The following RALYL variants were observed in gnomAD, a reference collection of about 807,000 sequenced individuals.
The protein encoded by RALYL is RNA-binding Raly-like protein.
In RALYL, 29 loss-of-function variants were observed where a neutral mutation model predicts 35.1. The ratio of observed to expected loss-of-function variants is 0.83; its 90% confidence interval spans 0.61 to 1.13. The LOEUF (loss-of-function observed/expected upper bound fraction) is 1.13, where lower values mean the gene tolerates loss of function less well. Among genes scored for constraint, RALYL ranks in the 50% most tolerant of loss-of-function variants. The pLI, the probability that RALYL is intolerant of heterozygous loss-of-function variation, is 0.00. For synonymous variants in RALYL, 120 were observed against 127.6 expected, an observed-to-expected ratio of 0.94 and a Z score of 0.40; for missense variants, 359 against 360.4, an observed-to-expected ratio of 1.00 and a Z score of 0.03.
chr8:84,739,483 G>A (rs932743065), intron 2 of RALYL, among the ~76,000 whole-genome samples: 1 of 151,838 alleles, frequency 6.6e-6, no homozygotes, highest in Admixed American at 6.6e-5. Context: ...AAGGATAAAT[G>A]GTTCCACCTA....
chr8:84,446,692 G>A (rs1484201550), intron 1 of RALYL, among the ~76,000 whole-genome samples: 6 of 152,026 alleles, frequency 3.9e-5, no homozygotes, highest in African/African-American at 1.2e-4. Flanking sequence ...GATGGAATAG[G>A]GACTTTGGTC....
intron 2 of RALYL, among the ~76,000 whole-genome samples, chr8:84,755,776 T>G (rs1811244306): frequency 6.6e-6 from 1 of 151,944 alleles, no homozygotes; most frequent in Non-Finnish European, 1.5e-5. Flanking sequence ...AATTCTACAA[T>G]ATTGTGCCTA....
chr8:84,761,578 A>G (rs1330590334), intron 2 of RALYL, among the ~76,000 whole-genome samples: 2 of 152,134 alleles, frequency 1.3e-5, no homozygotes, highest in African/African-American at 4.8e-5. Context: ...TAGATACTAA[A>G]TTGCAAGATC....
At chr8:84,675,360 T>C (rs1243463563) in intron 2 of RALYL, among the ~76,000 whole-genome samples, 3 of 152,144 alleles carry the variant, frequency 2.0e-5, no homozygotes, top group Non-Finnish European at 4.4e-5. Flanking sequence ...CTGTTACTTT[T>C]CTACTGATGT....
At chr8:84,315,390 T>A (rs1004483113) in intron 1 of RALYL, among the ~76,000 whole-genome samples, 1 of 152,188 alleles carries the variant, frequency 6.6e-6, no homozygotes, top group Non-Finnish European at 1.5e-5. Flanking sequence ...TTAAAACTAT[T>A]TGTATATAAA....
At chr8:84,885,622 A>G (rs1307988436) in intron 7 of RALYL, among the ~76,000 whole-genome samples, 1 of 152,194 alleles carries the variant, frequency 6.6e-6, no homozygotes, top group Non-Finnish European at 1.5e-5. Flanking sequence ...CAAGGCGTGT[A>G]TAGCTTGTGT....
intron 1 of RALYL, among the ~76,000 whole-genome samples, chr8:84,193,291 T>C (rs1814435998): frequency 6.6e-6 from 1 of 152,070 alleles, no homozygotes; most frequent in Non-Finnish European, 1.5e-5. Context: ...CAGGATGGAA[T>C]CCCCTTGCAG....
chr8:84,283,771 G>A (rs79434935), intron 1 of RALYL, among the ~76,000 whole-genome samples: 2,136 of 152,188 alleles, frequency 0.014, 22 homozygotes, highest in Non-Finnish European at 0.021. Context: ...TGCAGGAGGG[G>A]CAGTCAGGGT....
At chr8:84,203,136 C>A (rs1474673636) in intron 1 of RALYL, among the ~76,000 whole-genome samples, 1 of 152,052 alleles carries the variant, frequency 6.6e-6, no homozygotes, top group Admixed American at 6.5e-5. Flanking sequence ...TTCTTACTTA[C>A]CATAAGGAGA....
intron 1 of RALYL, among the ~76,000 whole-genome samples, chr8:84,423,839 G>A (rs1367978965): frequency 4.0e-5 from 6 of 151,378 alleles, no homozygotes; most frequent in African/African-American, 1.5e-4. Context: ...GAAATTCTGG[G>A]TTGAAAATTC....
chr8:84,530,543 A>ATAT (rs2059212042), intron 2 of RALYL, among the ~76,000 whole-genome samples: 1 of 152,044 alleles, frequency 6.6e-6, no homozygotes, highest in Non-Finnish European at 1.5e-5. Flanking sequence ...TTCGCTTGTC[A>ATAT]ATATATTACA....
chr8:84,882,196 T>TA lies in RALYL; in HGVS notation c.686-5400dup, dbSNP rs916079180. ...GGCTTTTTGGCTTCTAATCGACCTT[T>TA]AAAAAAAATCTAATACTCATTTCTC... On this transcript the variant is annotated intron_variant, in intron 7 of 8. Transcript: ENST00000521268. Among the ~76,000 whole-genome samples, 14 of 151,952 alleles carry TA rather than the reference T, an allele frequency of 9.2e-5. 1 individual carries two copies. Among genetic ancestry groups the TA allele is most frequent in the Admixed American group, 2.6e-4 (4 of 15,238 alleles).
At chr8:84,360,340 T>C (rs1387639947) in intron 1 of RALYL, among the ~76,000 whole-genome samples, 1 of 152,224 alleles carries the variant, frequency 6.6e-6, no homozygotes, top group Non-Finnish European at 1.5e-5. Flanking sequence ...ACAATAAATG[T>C]GAACATTTTG....
chr8:84,615,565 T>C (rs1819321732), intron 2 of RALYL, among the ~76,000 whole-genome samples: 2 of 144,412 alleles, frequency 1.4e-5, no homozygotes, highest in African/African-American at 5.2e-5. Flanking sequence ...CTATAGAACT[T>C]TCGTCTTTTT....
chr8:84,580,547 A>C lies in RALYL; in HGVS notation c.256+50970A>C, dbSNP rs190975097. ...AAGTCATTCACCTGGTGAAGGATCC[A>C]TCACCATGACCCAAACATTGTCCAT... On this transcript the variant is annotated intron_variant, in intron 2 of 8. Transcript: ENST00000521268. Among the ~76,000 whole-genome samples the C allele has an allele frequency of 2.5e-3, 382 of 152,356 alleles. 6 individuals are homozygous for C. The highest frequency in any genetic ancestry group is 3.2e-3 in the Non-Finnish European group (216 of 68,048).
intron 1 of RALYL, among the ~76,000 whole-genome samples, chr8:84,287,637 A>T (rs1443527858): frequency 6.6e-6 from 1 of 152,100 alleles, no homozygotes; most frequent in Non-Finnish European, 1.5e-5. Context: ...TGGGGGAAAA[A>T]AAAGCCCCTT....
chr8:84,671,625 G>T (rs1167264168), intron 2 of RALYL, among the ~76,000 whole-genome samples: 1 of 152,208 alleles, frequency 6.6e-6, no homozygotes. Flanking sequence ...ACAGCTTGGG[G>T]CTTCCACCCT....
chr8:84,671,433 C>T (rs1445340563), intron 2 of RALYL, among the ~76,000 whole-genome samples: 5 of 152,180 alleles, frequency 3.3e-5, no homozygotes, highest in Admixed American at 2.0e-4. Flanking sequence ...GGAGCTCTAA[C>T]CCCACATTTG....
At chr8:84,607,797 C>A (rs1317098643) in intron 2 of RALYL, among the ~76,000 whole-genome samples, 1 of 151,974 alleles carries the variant, frequency 6.6e-6, no homozygotes, top group Non-Finnish European at 1.5e-5. Context: ...GTTTCTCAAA[C>A]CCTCTGGGGT....
Sources: allele counts gnomAD v4.1 joint callset (sites outside exome capture counted in the v4.1 genomes callset), GRCh38; gene constraint gnomAD v4.1.1; transcripts MANE v1.5; gene names NCBI Gene and HGNC (gene_info 2026-07-23, HGNC 2026-07-21).